The following B3GALT1 variants were observed in gnomAD, a reference collection of about 807,000 sequenced individuals.
B3GALT1 encodes beta-1,3-galactosyltransferase 1, also known as UDP-Gal:betaGlcNAc beta 1,3-galactosyltransferase, polypeptide 1.
In B3GALT1, 10 loss-of-function variants were observed where a neutral mutation model predicts 23.2. The observed-to-expected ratio is 0.43, with a 90% CI of 0.27 to 0.73. The LOEUF is 0.73. B3GALT1 is among the 30% of genes least tolerant of loss of function. B3GALT1 has a pLI of 0.21. For synonymous variants in B3GALT1, 156 were observed against 141.5 expected (o/e 1.10, Z -0.73); for missense variants, 299 against 405.4 (o/e 0.74, Z 2.25).
intron 3 of B3GALT1, among the ~76,000 whole-genome samples, chr2:167,748,286 C>A (rs562151200): frequency 1.3e-5 from 2 of 151,944 alleles, no homozygotes; most frequent in Non-Finnish European, 2.9e-5. Context: ...TACTTTCATG[C>A]AGATCACCTA....
At chr2:167,582,397 G>C (rs1317062981) in intron 2 of B3GALT1, among the ~76,000 whole-genome samples, 1 of 152,134 alleles carries the variant, frequency 6.6e-6, no homozygotes, top group Non-Finnish European at 1.5e-5. Context: ...GGCATCATAA[G>C]TTTACTCACA....
At chr2:167,611,186 CTG>C (rs1685059247) in intron 2 of B3GALT1, among the ~76,000 whole-genome samples, 1 of 151,902 alleles carries the variant, frequency 6.6e-6, no homozygotes, top group Non-Finnish European at 1.5e-5. Context: ...AACCAGTTAT[CTG>C]ATTAACTTCT....
intron 3 of B3GALT1, among the ~76,000 whole-genome samples, chr2:167,786,795 A>C (rs1335284331): frequency 2.6e-5 from 4 of 152,188 alleles, no homozygotes; most frequent in Non-Finnish European, 5.9e-5. Context: ...AGTAAGCAGG[A>C]ATGGTTCTTA....
intron 4 of B3GALT1, among the ~76,000 whole-genome samples, chr2:167,819,596 G>T (rs1323293778): frequency 6.6e-6 from 1 of 152,070 alleles, no homozygotes; most frequent in African/African-American, 2.4e-5. Flanking sequence ...CTGTGACTTT[G>T]GGCCACTTAC....
chr2:167,535,752 T>TA (rs1683406832), intron 2 of B3GALT1, among the ~76,000 whole-genome samples: 1 of 152,174 alleles, frequency 6.6e-6, no homozygotes, highest in Non-Finnish European at 1.5e-5. Context: ...ATGTGGTTTT[T>TA]ATCATTTCTA....
chr2:167,536,468 C>T (rs1002079388), intron 2 of B3GALT1, among the ~76,000 whole-genome samples: 2 of 152,076 alleles, frequency 1.3e-5, no homozygotes, highest in Non-Finnish European at 2.9e-5. Context: ...TTTATTTGTC[C>T]TAAAATGGTA....
intron 3 of B3GALT1, among the ~76,000 whole-genome samples, chr2:167,673,090 A>G (rs536744603): frequency 1.1e-4 from 16 of 152,172 alleles, no homozygotes; most frequent in Admixed American, 7.2e-4. Context: ...AGGAGTTGAT[A>G]TAGTAGATAA....
At chr2:167,417,200 T>C (rs1317391864) in intron 1 of B3GALT1, among the ~76,000 whole-genome samples, 1 of 152,034 alleles carries the variant, frequency 6.6e-6, no homozygotes, top group East Asian at 1.9e-4. Context: ...CTTTAAGAGG[T>C]GATTGGGTCA....
At chr2:167,495,114 G>A (rs923319064) in intron 2 of B3GALT1, among the ~76,000 whole-genome samples, 1 of 152,160 alleles carries the variant, frequency 6.6e-6, no homozygotes, top group African/African-American at 2.4e-5. Flanking sequence ...TCAGAGTAGA[G>A]AAAGCATAAA....
At chr2:167,545,246 A>G (rs968964345) in intron 2 of B3GALT1, among the ~76,000 whole-genome samples, 1 of 151,806 alleles carries the variant, frequency 6.6e-6, no homozygotes, top group Non-Finnish European at 1.5e-5. Flanking sequence ...TGTGTTAGCC[A>G]GGATGGTCTT....
At chr2:167,594,631 G>A (rs1390089776) in intron 2 of B3GALT1, among the ~76,000 whole-genome samples, 1 of 151,990 alleles carries the variant, frequency 6.6e-6, no homozygotes, top group Non-Finnish European at 1.5e-5. Flanking sequence ...CTTGGATAGG[G>A]GCCTGGCACG....
intron 2 of B3GALT1, among the ~76,000 whole-genome samples, chr2:167,557,065 A>C (rs896031766): frequency 6.6e-6 from 1 of 152,162 alleles, no homozygotes; most frequent in Admixed American, 6.5e-5. Flanking sequence ...AAATCACTCT[A>C]CATTGTAGAA....
At chr2:167,828,516 A>C (rs1423926123) in intron 4 of B3GALT1, among the ~76,000 whole-genome samples, 1 of 152,218 alleles carries the variant, frequency 6.6e-6, no homozygotes, top group Admixed American at 6.5e-5. Flanking sequence ...TGAGTTTCTC[A>C]TGGCTCCTAT....
chr2:167,631,769 C>CTTTCTTTTTTTTTTTTTTTTTTTTTT lies in B3GALT1; in HGVS notation c.-409-15137_-409-15136insCTTTTTTTTTTTTTTTTTTTTTTTTT, dbSNP rs1558930674. On this transcript the variant is annotated intron_variant, in intron 2 of 4. Coordinates refer to ENST00000392690, the MANE Select transcript of B3GALT1 (RefSeq NM_020981.4). Reference sequence around the variant, plus strand: ...TCTCACCTACCTCTCCTTTTCTTTTCTTTTTTTTTTTTTTTTTTTACTTAA... The same window carrying CTTTCTTTTTTTTTTTTTTTTTTTTTT: ...TCTCACCTACCTCTCCTTTTCTTTTCTTTCTTTTTTTTTTTTTTTTTTTTTTTTTTTTTTTTTTTTTTTTTACTTAA... 1.7e-5 allele frequency among the ~76,000 whole-genome samples: 2 copies of CTTTCTTTTTTTTTTTTTTTTTTTTTT among 120,596 alleles called. 1 individual carries two copies. 79.1% of individuals were successfully genotyped at this position (120,596 alleles called of 152,430 possible).
At chr2:167,428,229 T>C (rs1248349974) in intron 1 of B3GALT1, among the ~76,000 whole-genome samples, 3 of 152,018 alleles carry the variant, frequency 2.0e-5, no homozygotes, top group Admixed American at 6.5e-5. Flanking sequence ...GGATCTTACC[T>C]AACTGTGAGA....
intron 1 of B3GALT1, among the ~76,000 whole-genome samples, chr2:167,306,303 C>G (rs989011896): frequency 6.6e-6 from 1 of 151,792 alleles, no homozygotes; most frequent in African/African-American, 2.4e-5. Context: ...AATGCACATG[C>G]TTTAATGTTT....
intron 2 of B3GALT1, among the ~76,000 whole-genome samples, chr2:167,506,637 A>G (rs1410073503): frequency 6.6e-6 from 1 of 152,244 alleles, no homozygotes; most frequent in East Asian, 1.9e-4. Flanking sequence ...GAGGTGAATA[A>G]GACTTAGAAT....
intron 3 of B3GALT1, among the ~76,000 whole-genome samples, chr2:167,801,689 G>A (rs1183113135): frequency 6.6e-6 from 1 of 152,132 alleles, no homozygotes; most frequent in Admixed American, 6.6e-5. Context: ...TTTTCTGAAG[G>A]ACATAAATGT....
intron 2 of B3GALT1, among the ~76,000 whole-genome samples, chr2:167,563,409 G>C: frequency 7.5e-6 from 1 of 133,326 alleles, no homozygotes; most frequent in Admixed American, 7.1e-5. Context: ...CGGGCGGGGG[G>C]CTGACCCCTC....
Sources: allele counts gnomAD v4.1 joint callset (sites outside exome capture counted in the v4.1 genomes callset), GRCh38; gene constraint gnomAD v4.1.1; transcripts MANE v1.5; gene names NCBI Gene and HGNC (gene_info 2026-07-23, HGNC 2026-07-21).